Variants in MAGI2 observed in about 807,000 individuals in gnomAD.
MAGI2 encodes the protein membrane-associated guanylate kinase, WW and PDZ domain-containing protein 2.
Under a neutral mutation model 133.3 loss-of-function variants are expected in MAGI2, and 35 were observed. The observed-to-expected ratio is 0.26, with a 90% CI of 0.20 to 0.35. The LOEUF is 0.35. MAGI2 is among the 10% of genes least tolerant of loss of function. The pLI, the probability that MAGI2 is intolerant of heterozygous loss-of-function variation, is 1.00. For missense variants in MAGI2, 1,636 were observed against 1,863.4 expected, an observed-to-expected ratio of 0.88 and a Z score of 2.25; for synonymous variants, 729 against 710.6, an observed-to-expected ratio of 1.03 and a Z score of -0.41.
At chr7:78,259,396 T>G (rs967762136) in intron 9 of MAGI2, among the ~76,000 whole-genome samples, 2 of 152,164 alleles carry the variant, frequency 1.3e-5, no homozygotes. Flanking sequence ...TGACTCAGAT[T>G]TTTTAGAAGT....
chr7:79,303,737 C>T (rs1187375596), intron 1 of MAGI2, among the ~76,000 whole-genome samples: 1 of 152,164 alleles, frequency 6.6e-6, no homozygotes, highest in Non-Finnish European at 1.5e-5. Flanking sequence ...GAGTAACTAT[C>T]ACTGGTTAAT....
Position 78,443,333 on chromosome 7 carries a change from G to A in MAGI2, c.1045+46428C>T, listed in dbSNP as rs182020041. On this transcript the variant is annotated intron_variant, in intron 6 of 21. Coordinates refer to ENST00000354212, the MANE Select transcript of MAGI2 (RefSeq NM_012301.4). Reference sequence around the variant, plus strand: ...ACTGGAGAAGTGGGGTCCTATCTTGGACCTCACATAGTGGTAGCAAGCAGT... The same window carrying A: ...ACTGGAGAAGTGGGGTCCTATCTTGAACCTCACATAGTGGTAGCAAGCAGT... Among the ~76,000 whole-genome samples, 8 of 152,144 alleles carry A rather than the reference G, an allele frequency of 5.3e-5. No homozygotes were observed. In the East Asian group the frequency reaches 1.6e-3, roughly 29 times the overall value.
chr7:79,379,960 C>T (rs1305547561), intron 1 of MAGI2, among the ~76,000 whole-genome samples: 2 of 151,226 alleles, frequency 1.3e-5, no homozygotes, highest in African/African-American at 2.4e-5. Context: ...AAAGCTGAAA[C>T]TGGATCCCTT....
chr7:78,299,774 C>G (rs1333998029), intron 9 of MAGI2, among the ~76,000 whole-genome samples: 1 of 152,174 alleles, frequency 6.6e-6, no homozygotes, highest in Non-Finnish European at 1.5e-5. Flanking sequence ...CACCCTCCAA[C>G]AGAAACAGAC....
intron 3 of MAGI2, among the ~76,000 whole-genome samples, chr7:78,562,286 C>A (rs944066148): frequency 3.9e-5 from 6 of 152,054 alleles, no homozygotes; most frequent in African/African-American, 7.2e-5. Flanking sequence ...TCATTCACTC[C>A]CTATTCCTGA....
At chr7:79,186,774 T>C (rs867196246) in intron 1 of MAGI2, among the ~76,000 whole-genome samples, 51 of 72,288 alleles carry the variant, frequency 7.1e-4, no homozygotes, top group African/African-American at 3.1e-3. Flanking sequence ...TATATATATA[T>C]ATACACACAC....
intron 6 of MAGI2, among the ~76,000 whole-genome samples, chr7:78,438,312 T>C (rs1787256696): frequency 6.6e-6 from 1 of 151,956 alleles, no homozygotes; most frequent in Admixed American, 6.6e-5. Context: ...TTCCTTGAGA[T>C]ATGAATTTTT....
At chr7:78,314,406 T>C (rs971575679) in intron 9 of MAGI2, among the ~76,000 whole-genome samples, 2 of 152,186 alleles carry the variant, frequency 1.3e-5, no homozygotes, top group Non-Finnish European at 2.9e-5. Flanking sequence ...GTAAGACAGA[T>C]AATTTGCTGA....
At chr7:78,070,099 A>G (rs1173347797) in intron 21 of MAGI2, among the ~76,000 whole-genome samples, 2 of 99,896 alleles carry the variant, frequency 2.0e-5, no homozygotes, top group African/African-American at 7.1e-5. Context: ...AAACACACAC[A>G]CACACATACA....
intron 3 of MAGI2, among the ~76,000 whole-genome samples, chr7:78,590,949 C>T (rs1396293920): frequency 1.3e-5 from 2 of 152,094 alleles, no homozygotes; most frequent in African/African-American, 2.4e-5. Context: ...ACTTAGATTG[C>T]AATACACTAG....
rs1811081665 is a variant in MAGI2 at position 78,043,566 on chromosome 7, C to G, written c.3707-23590G>C. Among the ~76,000 whole-genome samples the G allele has an allele frequency of 2.0e-5, 3 of 152,184 alleles. No homozygotes were observed. In the South Asian group the frequency reaches 6.2e-4, roughly 32 times the overall value. On this transcript the variant is annotated intron_variant, in intron 21 of 21. Transcript: ENST00000354212. Reference sequence around the variant, plus strand: ...AACTGACAAAGCTGGATTTGGGATTCAGAGAGTCCCAGAGGAAGGCCTGTC... The same window carrying G: ...AACTGACAAAGCTGGATTTGGGATTGAGAGAGTCCCAGAGGAAGGCCTGTC...
chr7:79,300,928 A>G (rs899061102), intron 1 of MAGI2, among the ~76,000 whole-genome samples: 11 of 152,216 alleles, frequency 7.2e-5, no homozygotes, highest in African/African-American at 2.7e-4. Flanking sequence ...GGTACAGCTC[A>G]GGCTGCAGCT....
intron 14 of MAGI2, among the ~76,000 whole-genome samples, chr7:78,177,098 T>C (rs932709716): frequency 6.6e-6 from 1 of 151,998 alleles, no homozygotes; most frequent in Non-Finnish European, 1.5e-5. Flanking sequence ...TCAAATCTAC[T>C]CTACAATAGA....
At chr7:78,760,826 G>A (rs1824434803) in intron 2 of MAGI2, among the ~76,000 whole-genome samples, 1 of 152,102 alleles carries the variant, frequency 6.6e-6, no homozygotes, top group Non-Finnish European at 1.5e-5. Context: ...GAAATCCTCA[G>A]TGTCTACTTC....
At chr7:78,112,770 C>T (rs944133135) in intron 20 of MAGI2, among the ~76,000 whole-genome samples, 1 of 152,214 alleles carries the variant, frequency 6.6e-6, no homozygotes, top group African/African-American at 2.4e-5. Flanking sequence ...AACATGATTC[C>T]TGCTCTTGCA....
In MAGI2 at chr7:79,399,095, C is replaced by CTTTTTTTTTTTTTTTTTTTTTTT. The variant is rs767332496; in HGVS notation, c.301+53924_301+53925insAAAAAAAAAAAAAAAAAAAAAAA. ...GTATTATTTCTTTTTTTTTTCTTTT[C>CTTTTTTTTTTTTTTTTTTTTTTT]TTTTTTTTTTTTTTTGGGAGATGGA... On this transcript the variant is annotated intron_variant, in intron 1 of 21. Coordinates refer to ENST00000354212, the MANE Select transcript of MAGI2 (RefSeq NM_012301.4). Among the ~76,000 whole-genome samples, 22 of 106,280 alleles carry CTTTTTTTTTTTTTTTTTTTTTTT rather than the reference C, an allele frequency of 2.1e-4. 1 individual carries two copies. The highest frequency in any genetic ancestry group is 9.4e-4 in the East Asian group (3 of 3,182). 69.7% of individuals were successfully genotyped at this position (106,280 alleles called of 152,430 possible). A position where few individuals can be genotyped will look rare whatever the true frequency, so the allele number is the denominator to read the frequency against.
intron 21 of MAGI2, among the ~76,000 whole-genome samples, chr7:78,070,139 GTATATATA>G (rs1302034222): frequency 8.2e-6 from 1 of 122,376 alleles, no homozygotes; most frequent in Non-Finnish European, 1.8e-5. Flanking sequence ...ATATGTGTGT[GTATATATA>G]TACACACATA....
At chr7:78,302,315 AT>A (rs1176221184) in intron 9 of MAGI2, among the ~76,000 whole-genome samples, 3 of 152,180 alleles carry the variant, frequency 2.0e-5, no homozygotes, top group African/African-American at 7.2e-5. Context: ...GAGAAAAAAA[AT>A]TCAAAGAGCA....
rs1372400211 is a variant in MAGI2 at position 78,521,468 on chromosome 7, C to G, written c.716G>C (p.Arg239Thr). Residue 239 changes from arginine to threonine, a missense_variant, in exon 4 of 22, where the codon AGG (arginine) becomes ACG (threonine). Physicochemically the swap from Arg to Thr is moderately conservative, Grantham distance 71. Transcript: ENST00000354212. ...TACTCCATTTCCATTGACCACAGGC[C>G]TCTCTTCCTCTTCCTCCTCAGGAGG... ...IEPPEEEEEE[R>T]PVVNGNGVVV... is the part of the protein sequence containing the mutation. 2 of 1,613,894 alleles carry G rather than the reference C, an allele frequency of 1.2e-6. No homozygotes were observed. Among genetic ancestry groups the G allele is most frequent in the Admixed American group, 1.7e-5 (1 of 59,986 alleles).
Sources: gnomAD v4.1 joint callset for allele counts (sites outside exome capture counted in the v4.1 genomes callset) on GRCh38, gnomAD v4.1.1 for gene constraint, MANE v1.5 for transcripts, NCBI Gene and HGNC (gene_info 2026-07-23, HGNC 2026-07-21) for gene names.